Variants in KLC3 observed in about 807,000 individuals in gnomAD.
KLC3 encodes the protein kinesin light chain 3, also known as kinesin light chain 2.
Under a neutral mutation model 62.9 loss-of-function variants are expected in KLC3, and 72 were observed. That is an observed-to-expected ratio of 1.15 (90% CI 0.95 to 1.39). The LOEUF (loss-of-function observed/expected upper bound fraction) is 1.39. Among genes scored for constraint, KLC3 ranks in the 40% most tolerant of loss-of-function variants. KLC3 has a pLI of 0.00. For missense variants in KLC3, 848 were observed against 691.6 expected (o/e 1.23, Z -2.54); for synonymous variants, 377 against 300.5 (o/e 1.25, Z -2.63).
At chr19:45,345,851 G>T in intron 2 of KLC3, 52 bp downstream of exon 2, 2 of 1,503,414 alleles carry the variant, frequency 1.3e-6, no homozygotes, top group South Asian at 1.3e-5. Context: ...AGGGCGGAGG[G>T]AGGGCCAGGC....
chr19:45,349,921 CTA>C (rs1299184257), intron 8 of KLC3: 1 of 434,638 alleles, frequency 2.3e-6, no homozygotes, highest in Non-Finnish European at 4.1e-6. Context: ...TATAGCGTCC[CTA>C]TGAGGTGGGA....
At chr19:45,342,240 T>C (rs1278920524) in intron 1 of KLC3, among the ~76,000 whole-genome samples, 1 of 152,036 alleles carries the variant, frequency 6.6e-6, no homozygotes. Flanking sequence ...AGTTCAACCA[T>C]TTATGATGTT....
At position 45,351,194 on chromosome 19, in the gene KLC3, T is replaced by G. The variant is rs3916894; in HGVS notation, c.1444-92T>G. On this transcript the variant is annotated intron_variant, in intron 12 of 12. Transcript: ENST00000391946. ...TTGGGGTAGAGGCGAGGGGGTTGGA[T>G]AGTTGGCTGCCAGGCTGGACCTGGA... 1,879 of 1,585,440 alleles carry G rather than the reference T, an allele frequency of 1.2e-3. 9 individuals are homozygous for G. In the African/African-American group the frequency reaches 0.018, roughly 15 times the overall value.
At chr19:45,347,564 GA>G in intron 4 of KLC3, 48 bp downstream of exon 4, 1 of 1,544,642 alleles carries the variant, frequency 6.5e-7, no homozygotes, top group Non-Finnish European at 8.8e-7. Flanking sequence ...CCAGGGTGGG[GA>G]GGGGGCTCTG....
chr19:45,350,772 G>T, intron 11 of KLC3, 25 bp downstream of exon 11: 1 of 1,590,956 alleles, frequency 6.3e-7, no homozygotes, highest in East Asian at 2.3e-5. Context: ...GGTCGGCAAA[G>T]AGCCCTGACA....
rs114640964 is a variant in KLC3 at position 45,345,688 on chromosome 19, G to A, written c.147G>A (p.Ala49=). Residue 49 remains alanine (A), a synonymous_variant, in exon 2 of 13, where the codon GCG becomes GCA. Transcript: ENST00000391946. ...ACCATGGCCTGGCTGGGCACCTGGC[G>A]GAGGCCCTGGCGGGACAGGGCCCGG... The part of the protein sequence containing the change: ...AEHHGLAGHL[A]EALAGQGPAA... The A allele has an allele frequency of 2.7e-3, 4,236 of 1,573,602 alleles. 99 individuals carry two copies. The African/African-American group carries it at 0.05, about 19-fold the overall frequency.
intron 8 of KLC3, 180 bp from the exon 9 acceptor site, chr19:45,350,161 C>G: frequency 1.7e-6 from 1 of 604,222 alleles, no homozygotes; most frequent in South Asian, 2.0e-5. Context: ...GTGGTTCACG[C>G]TTGTAACCCC....
chr19:45,341,578 T>TGTGTGTGTGTGTGCGCGCGC lies in KLC3; in HGVS notation c.-9+733_-9+734insTGTGTGTGTGTGCGCGCGCG. ...TGGTGTGTGTGTGTGTGTGTGTGTG[T>TGTGTGTGTGTGTGCGCGCGC]GCGCGCGCGCGTGTGGTGGACAGTG... On this transcript the variant is annotated intron_variant, in intron 1 of 12. Transcript: ENST00000391946. 1.4e-3 allele frequency among the ~76,000 whole-genome samples: 193 copies of TGTGTGTGTGTGTGCGCGCGC among 139,882 alleles called. 2 individuals carry two copies. Among genetic ancestry groups the TGTGTGTGTGTGTGCGCGCGC allele is most frequent in the African/African-American group, 4.5e-3 (167 of 37,444 alleles). 91.8% of individuals were successfully genotyped at this position (139,882 alleles called of 152,430 possible).
chr19:45,349,039 G>A (rs1269297865), intron 7 of KLC3, 118 bp downstream of exon 7: 4 of 863,966 alleles, frequency 4.6e-6, no homozygotes, highest in African/African-American at 3.4e-5. Context: ...GGTATTGGGA[G>A]ACCCCAGTTG....
At chr19:45,346,958 C>A (rs558021503) in intron 3 of KLC3, 184 bp downstream of exon 3, 3 of 577,162 alleles carry the variant, frequency 5.2e-6, no homozygotes, top group Middle Eastern at 4.6e-4. Flanking sequence ...CCAGAACTTC[C>A]ACAGACGCCC....
At position 45,350,329 on chromosome 19, in the gene KLC3, C is replaced by T. The variant is rs776584731; in HGVS notation, c.1144-12C>T. ...GGGTCCGAAAAGTTCCCAGACACTCCCTTCTCCGCAGGCCTCAGCCTACCT... is the reference window on the plus strand; with the variant it reads ...GGGTCCGAAAAGTTCCCAGACACTCTCTTCTCCGCAGGCCTCAGCCTACCT... On this transcript the variant is annotated splice_polypyrimidine_tract_variant and intron_variant, in intron 8 of 12. Coordinates refer to ENST00000391946, the MANE Select transcript of KLC3 (RefSeq NM_177417.3). The T allele has an allele frequency of 1.9e-6, 3 of 1,612,036 alleles. No individual in the cohort carries two copies. The highest frequency in any genetic ancestry group is 3.3e-5 in the Admixed American group (2 of 59,924).
At position 45,348,048 on chromosome 19, in the gene KLC3, T is replaced by C. The variant is rs375227194; in HGVS notation, c.667T>C (p.Tyr223His). ...GATCCAGTACGCGGGGCAGGGCCGC[T>C]ATGAGGTGGCGGTGCCTCTGTGCCG... Reference protein sequence around the residue: ...LVIQYAGQGRYEVAVPLCRQA... With the variant: ...LVIQYAGQGRHEVAVPLCRQA... The change falls in exon 5 of 13, where the codon TAT becomes CAT. Residue 223 changes from tyrosine to histidine, a missense_variant. Coordinates refer to ENST00000391946, the MANE Select transcript of KLC3 (RefSeq NM_177417.3). The C allele has an allele frequency of 1.2e-6, 2 of 1,604,514 alleles. No homozygotes were observed. Among genetic ancestry groups the C allele is most frequent in the Non-Finnish European group, 1.7e-6 (2 of 1,175,822 alleles).
chr19:45,349,438 G>A lies in KLC3; in HGVS notation c.979G>A (p.Ala327Thr). 1 of 1,608,410 alleles carries A rather than the reference G, an allele frequency of 6.2e-7. No individual in the cohort carries two copies. The highest frequency in any genetic ancestry group is 8.5e-7 in the Non-Finnish European group (1 of 1,176,538). ...GACCCCTGGCCCCCAGGTCCTGGGTGCTGACCACCCAGATGTGGCCAAGCA... is the reference window on the plus strand; with the variant it reads ...GACCCCTGGCCCCCAGGTCCTGGGTACTGACCACCCAGATGTGGCCAAGCA... ...ALEIREKVLGADHPDVAKQLN... is the reference protein window; with the variant it reads ...ALEIREKVLGTDHPDVAKQLN... The change falls in exon 8 of 13, where the codon GCT becomes ACT. Residue 327 changes from alanine to threonine, a missense_variant. Transcript: ENST00000391946.
At chr19:45,351,063 G>C (rs1322307307) in intron 12 of KLC3, 46 bp downstream of exon 12, 2 of 1,613,930 alleles carry the variant, frequency 1.2e-6, no homozygotes, top group Non-Finnish European at 1.7e-6. Context: ...CATGTGGGTA[G>C]GTGCAGAGAT....
At chr19:45,343,142 T>G (rs1318997212) in intron 1 of KLC3, among the ~76,000 whole-genome samples, 2 of 151,968 alleles carry the variant, frequency 1.3e-5, no homozygotes, top group African/African-American at 4.8e-5. Context: ...CCATAGTGAA[T>G]CTTGGGAGTG....
intron 8 of KLC3, chr19:45,349,917 GTCCCTATGAGGTGGGAGCTGTCGC>G (rs1253948663): frequency 4.6e-6 from 2 of 434,690 alleles, no homozygotes; most frequent in Non-Finnish European, 8.2e-6. Context: ...TTCTTATAGC[GTCCCTATGAGGTGGGAGCTGTCGC>G]TCCACTTTGC....
chr19:45,349,583 C>T lies in KLC3; in HGVS notation c.1124C>T (p.Ala375Val). Residue 375 changes from alanine to valine, a missense_variant, in exon 8 of 13, where the codon GCC becomes GTC. Physicochemically the swap from Ala to Val is moderately conservative, Grantham distance 64. Coordinates refer to ENST00000391946, the MANE Select transcript of KLC3 (RefSeq NM_177417.3). ...GGCGGGCCCCATGACCCCAACGTGG[C>T]CAAGACCAAGAACAACCTGGTGAGG... Reference protein sequence around the residue: ...ALGGPHDPNVAKTKNNLASAY... With the variant: ...ALGGPHDPNVVKTKNNLASAY... 1.2e-6 allele frequency: 2 copies of T among 1,612,216 alleles called. No homozygotes were observed. The highest frequency in any genetic ancestry group is 1.7e-6 in the Non-Finnish European group (2 of 1,178,846).
chr19:45,341,507 GTGAT>G (rs931990322), intron 1 of KLC3, among the ~76,000 whole-genome samples: 6 of 151,774 alleles, frequency 4.0e-5, no homozygotes, highest in Admixed American at 3.3e-4. Flanking sequence ...AGGATTAGGT[GTGAT>G]TGACCAAGAG....
chr19:45,347,115 A>G (rs1971518729), intron 3 of KLC3: 2 of 410,850 alleles, frequency 4.9e-6, no homozygotes, highest in Non-Finnish European at 8.7e-6. Context: ...GGCCGAGGCG[A>G]GCAGATCACC....
Sources: allele counts gnomAD v4.1 joint callset (sites outside exome capture counted in the v4.1 genomes callset), GRCh38; gene constraint gnomAD v4.1.1; transcripts MANE v1.5; gene names NCBI Gene and HGNC (gene_info 2026-07-23, HGNC 2026-07-21).